The following LDLRAD4 variants were observed in gnomAD, a reference collection of about 807,000 sequenced individuals.
The protein encoded by LDLRAD4 is low density lipoprotein receptor class A domain containing 4.
Under a neutral mutation model 17.0 loss-of-function variants are expected in LDLRAD4, and 5 were observed. The observed-to-expected ratio is 0.29, with a 90% confidence interval of 0.15 to 0.62. The LOEUF is 0.62. LDLRAD4 is among the 20% of genes least tolerant of loss of function. LDLRAD4 has a pLI of 0.84. For synonymous variants in LDLRAD4, 168 were observed against 171.8 expected, an observed-to-expected ratio of 0.98 and a Z score of 0.17; for missense variants, 340 against 424.7, an observed-to-expected ratio of 0.80 and a Z score of 1.75.
At chr18:13,638,388 C>T (rs538691123) in intron 4 of LDLRAD4, among the ~76,000 whole-genome samples, 1 of 152,358 alleles carries the variant, frequency 6.6e-6, no homozygotes, top group South Asian at 2.1e-4. Flanking sequence ...TATACCTATG[C>T]TGATAGTGGT....
At chr18:13,545,941 GA>G (rs1402680192) in intron 3 of LDLRAD4, among the ~76,000 whole-genome samples, 1 of 152,220 alleles carries the variant, frequency 6.6e-6, no homozygotes, top group African/African-American at 2.4e-5. Context: ...CCTAAGCCAA[GA>G]GGGAGTTTCT....
chr18:13,409,944 T>C (rs1415452367), intron 2 of LDLRAD4, among the ~76,000 whole-genome samples: 1 of 152,126 alleles, frequency 6.6e-6, no homozygotes, highest in Non-Finnish European at 1.5e-5. Context: ...CACTGAGTGC[T>C]CAAGGTCAAC....
intron 3 of LDLRAD4, among the ~76,000 whole-genome samples, chr18:13,578,933 A>G (rs989750321): frequency 1.4e-5 from 2 of 142,434 alleles, no homozygotes; most frequent in African/African-American, 2.6e-5. Context: ...GCTCACGCCT[A>G]TAATCCCAGC....
chr18:13,585,065 C>A (rs377503867), intron 3 of LDLRAD4, among the ~76,000 whole-genome samples: 2 of 152,332 alleles, frequency 1.3e-5, no homozygotes, highest in South Asian at 4.1e-4. Context: ...GCAGACGAGG[C>A]CTTTTCCCTG....
At chr18:13,589,502 T>C (rs2094981089) in intron 3 of LDLRAD4, among the ~76,000 whole-genome samples, 1 of 152,076 alleles carries the variant, frequency 6.6e-6, no homozygotes, top group Non-Finnish European at 1.5e-5. Context: ...CACCGTGGCT[T>C]TTTGGGGAGC....
chr18:13,605,235 T>C (rs971705598), intron 3 of LDLRAD4, among the ~76,000 whole-genome samples: 1 of 152,222 alleles, frequency 6.6e-6, no homozygotes, highest in Admixed American at 6.5e-5. Flanking sequence ...TCTGTTTTAA[T>C]GAGACAGGGT....
At chr18:13,448,650 G>A (rs1357153131) in intron 3 of LDLRAD4, among the ~76,000 whole-genome samples, 3 of 151,944 alleles carry the variant, frequency 2.0e-5, no homozygotes, top group East Asian at 3.9e-4. Context: ...ATTGGGGGGC[G>A]GAGGCTGGGG....
intron 1 of LDLRAD4, among the ~76,000 whole-genome samples, chr18:13,376,012 T>G (rs1356311666): frequency 6.6e-6 from 1 of 152,184 alleles, no homozygotes; most frequent in Non-Finnish European, 1.5e-5. Context: ...TGGCAGCAGC[T>G]TACTTTCCTT....
chr18:13,424,743 G>A (rs557178611), intron 2 of LDLRAD4, among the ~76,000 whole-genome samples: 1 of 152,344 alleles, frequency 6.6e-6, no homozygotes, highest in South Asian at 2.1e-4. Context: ...GGAATGAGGA[G>A]CAAGTCATTC....
At chr18:13,631,057 T>G (rs2148890319) in intron 4 of LDLRAD4, among the ~76,000 whole-genome samples, 1 of 152,316 alleles carries the variant, frequency 6.6e-6, no homozygotes, top group Middle Eastern at 3.4e-3. Flanking sequence ...TCGGGCGTGG[T>G]GTGGCCTTGC....
chr18:13,611,741 T>C, intron 3 of LDLRAD4: 1 of 985,442 alleles, frequency 1.0e-6, no homozygotes, highest in Non-Finnish European at 1.2e-6. Flanking sequence ...AATAATGATG[T>C]GAGGCAGAGG....
chr18:13,580,824 G>A lies in LDLRAD4; in HGVS notation c.182-40293G>A, dbSNP rs147334066. On this transcript the variant is annotated intron_variant, in intron 3 of 5. Coordinates refer to ENST00000359446, the Ensembl canonical transcript of LDLRAD4. ...GAACTACGGCTCCCTTTCTAATCAA[G>A]CCTCTGGCAAAGAGAAAAGCAGCAT... Among the ~76,000 whole-genome samples the A allele has an allele frequency of 2.6e-5, 4 of 152,310 alleles. No homozygotes were observed. The East Asian group carries it at 5.8e-4, about 22-fold the overall frequency.
intron 1 of LDLRAD4, among the ~76,000 whole-genome samples, chr18:13,317,195 C>T (rs2080979592): frequency 6.6e-6 from 1 of 152,174 alleles, no homozygotes; most frequent in South Asian, 2.1e-4. Context: ...CAGGTGAATT[C>T]CCAAGGATGA....
chr18:13,431,206 G>A lies in LDLRAD4; in HGVS notation c.41-7038G>A, dbSNP rs1180776564. ...CCCAGCATCCTCAGAGAAAGCCACT[G>A]TTGATATATGGGTGACGTCGTTTCA... is the stretch of plus-strand genomic sequence containing the variant. On this transcript the variant is annotated intron_variant, in intron 2 of 5. Transcript: ENST00000359446. Among the ~76,000 whole-genome samples the A allele has an allele frequency of 3.9e-5, 6 of 152,204 alleles. No individual in the cohort carries two copies. The East Asian group carries it at 7.7e-4, about 20-fold the overall frequency.
At chr18:13,422,186 G>A (rs1262413772) in intron 2 of LDLRAD4, among the ~76,000 whole-genome samples, 1 of 152,192 alleles carries the variant, frequency 6.6e-6, no homozygotes, top group Non-Finnish European at 1.5e-5. Context: ...TGATTATGGA[G>A]CAAGAAGCTC....
chr18:13,411,011 G>T (rs12456383), intron 2 of LDLRAD4, among the ~76,000 whole-genome samples: 31,696 of 152,188 alleles, frequency 0.21, 3,553 homozygotes, highest in East Asian at 0.38. Flanking sequence ...AGCACTTTGG[G>T]AGACTGAGGC....
chr18:13,513,981 A>G (rs565158988), intron 3 of LDLRAD4, among the ~76,000 whole-genome samples: 1 of 152,352 alleles, frequency 6.6e-6, no homozygotes, highest in South Asian at 2.1e-4. Context: ...AATTCAGGGA[A>G]CTGGGGTGCT....
At chr18:13,227,289 AT>A (rs2041859593) in intron 1 of LDLRAD4, among the ~76,000 whole-genome samples, 1 of 152,228 alleles carries the variant, frequency 6.6e-6, no homozygotes, top group Non-Finnish European at 1.5e-5. Context: ...TGATGAACTA[AT>A]TAAAGACAGT....
rs773732012 is a variant in LDLRAD4, at chr18:13,300,049, C to T, written c.-383+21861C>T. Among the ~76,000 whole-genome samples the T allele has an allele frequency of 6.6e-5, 10 of 152,174 alleles. No homozygotes were observed. The highest frequency in any genetic ancestry group is 1.3e-4 in the Non-Finnish European group (9 of 68,038). ...CTCAGTTGCTGGCTTTGTGTGAACA[C>T]AGAGACAATGTGTTTGATTTGGGAA... On this transcript the variant is annotated intron_variant, in intron 1 of 5. Transcript: ENST00000359446. The surrounding 1 kb of genome is among the most constrained non-coding windows in gnomAD (Gnocchi z 4.2).
Sources: allele counts gnomAD v4.1 joint callset (sites outside exome capture counted in the v4.1 genomes callset), GRCh38; gene constraint gnomAD v4.1.1; non-coding constraint Gnocchi (gnomAD v3.1); transcripts MANE v1.5; gene names NCBI Gene and HGNC (gene_info 2026-07-23, HGNC 2026-07-21).